AMY2B: variants seen among roughly 807,000 people sequenced by gnomAD.
AMY2B encodes the protein alpha-amylase 2B.
In AMY2B, 63 loss-of-function variants were observed where a neutral mutation model predicts 59.3. The ratio of observed to expected loss-of-function variants is 1.06; its 90% CI spans 0.87 to 1.31. The LOEUF is 1.31. AMY2B is among the 50% of genes most tolerant of loss of function. The pLI, the probability that AMY2B is intolerant of heterozygous loss-of-function variation, is 0.00. For missense variants in AMY2B, 635 were observed against 626.7 expected, an observed-to-expected ratio of 1.01 and a Z score of -0.14; for synonymous variants, 180 against 198.1, an observed-to-expected ratio of 0.91 and a Z score of 0.77.
chr1:103,557,286 G>C (rs1651587756), intron 1 of AMY2B, among the ~76,000 whole-genome samples: 1 of 152,082 alleles, frequency 6.6e-6, no homozygotes, highest in Non-Finnish European at 1.5e-5. Flanking sequence ...TATCAAGTAA[G>C]ACTGGAACAT....
intron 2 of AMY2B, among the ~76,000 whole-genome samples, chr1:103,565,773 G>A (rs954720667): frequency 2.6e-5 from 4 of 152,156 alleles, no homozygotes; most frequent in African/African-American, 9.6e-5. Context: ...ATACTGGGAA[G>A]TGTCATTCAT....
chr1:103,559,490 A>G (rs1337973752), intron 1 of AMY2B, among the ~76,000 whole-genome samples: 1 of 152,178 alleles, frequency 6.6e-6, no homozygotes, highest in Admixed American at 6.5e-5. Flanking sequence ...ATACAGGCAT[A>G]CCTTTGGCAC....
chr1:103,569,396 TTGTGTGTG>T (rs58457409), upstream of AMY2B: 9 of 150,996 alleles, frequency 6.0e-5, no homozygotes, highest in Non-Finnish European at 8.5e-5. Flanking sequence ...TTATGTGGGT[TTGTGTGTG>T]TGTGTGTGTG....
At chr1:103,575,116 A>G (rs1652298759) in intron 5 of AMY2B, 107 bp from the exon 6 acceptor site, 2 of 1,506,646 alleles carry the variant, frequency 1.3e-6, no homozygotes, top group South Asian at 2.5e-5. Flanking sequence ...TTAGAGAAAG[A>G]ATTTAATCTT....
chr1:103,556,187 C>A (rs891840399), intron 1 of AMY2B, among the ~76,000 whole-genome samples: 1 of 146,338 alleles, frequency 6.8e-6, no homozygotes, highest in Non-Finnish European at 1.5e-5. Flanking sequence ...TACTCTTAGG[C>A]AATCTGTGGT....
intron 1 of AMY2B, chr1:103,555,208 AAATAT>A (rs1651510743): frequency 6.6e-6 from 1 of 152,036 alleles, no homozygotes. Flanking sequence ...GATTTTCCTC[AAATAT>A]AATAAATTGT....
At chr1:103,573,301 T>A in intron 3 of AMY2B, 41 bp downstream of exon 3, 1 of 1,612,426 alleles carries the variant, frequency 6.2e-7, no homozygotes, top group Non-Finnish European at 8.5e-7. Flanking sequence ...AGGGGTGATA[T>A]ATGCCTTTTC....
In AMY2B at chr1:103,577,522, T is replaced by C. The variant is rs755238701; in HGVS notation, c.1134T>C (p.Asn378=). 2.6e-5 allele frequency: 42 copies of C among 1,611,816 alleles called. No individual in the cohort carries two copies. The highest frequency in any genetic ancestry group is 1.7e-4 in the Admixed American group (10 of 60,002). The change falls in exon 8 of 10, where the codon AAT becomes AAC. Residue 378 remains asparagine (N), a synonymous_variant. Transcript: ENST00000684275. ...ATGATTGGGTTGGGCCACCAAATAA[T>C]AATGGAGTAATTAAAGAAGTTACTA... ...DVNDWVGPPN[N]NGVIKEVTIN... is the part of the protein sequence containing the mutation.
chr1:103,579,216 G>A (rs1285490977), intron 9 of AMY2B, 95 bp from the exon 10 acceptor site: 5 of 1,604,518 alleles, frequency 3.1e-6, no homozygotes, highest in Non-Finnish European at 1.7e-6. Flanking sequence ...TCACTGCTTA[G>A]GGTTCTACAA....
intron 9 of AMY2B, among the ~76,000 whole-genome samples, chr1:103,578,459 A>G (rs1477189452): frequency 6.6e-6 from 1 of 152,214 alleles, no homozygotes; most frequent in African/African-American, 2.4e-5. Flanking sequence ...TTACTGAAGT[A>G]TAAATGATTC....
chr1:103,567,385 C>A (rs1651944563), upstream of AMY2B, among the ~76,000 whole-genome samples: 1 of 152,136 alleles, frequency 6.6e-6, no homozygotes, highest in African/African-American at 2.4e-5. Context: ...TAGTTAAGAT[C>A]CACAGCTCTC....
At position 103,555,742 on chromosome 1, in the gene AMY2B, C is replaced by T. The variant is rs867894638; in HGVS notation, c.-207+633C>T. Among the ~76,000 whole-genome samples, 18 of 152,078 alleles carry T rather than the reference C, an allele frequency of 1.2e-4. 1 individual carries two copies. In the South Asian group the frequency reaches 1.7e-3, roughly 14 times the overall value. On this transcript the variant is annotated intron_variant, in intron 1 of 11. Transcript: ENST00000361355. ...AAGAAGAATTTAATATAGTGAGTAT[C>T]GAAGACAACTCTTAAAGAGTCTTGC...
At chr1:103,566,838 G>T (rs1651926689), upstream of AMY2B, among the ~76,000 whole-genome samples, 1 of 152,114 alleles carries the variant, frequency 6.6e-6, no homozygotes, top group African/African-American at 2.4e-5. Context: ...TTCTAATATA[G>T]AGTTCATTGA....
intron 1 of AMY2B, among the ~76,000 whole-genome samples, chr1:103,563,510 TTTAA>T (rs1398809920): frequency 1.3e-5 from 2 of 152,106 alleles, no homozygotes; most frequent in African/African-American, 2.4e-5. Flanking sequence ...ATAAATATAC[TTTAA>T]TTGTTTTAAT....
upstream of AMY2B, chr1:103,570,394 T>C: frequency 4.6e-6 from 4 of 871,240 alleles, no homozygotes; most frequent in Admixed American, 1.8e-5. Context: ...TTCAACTCCA[T>C]CATGAAGTGT....
At chr1:103,557,876 G>T (rs1345243149) in intron 1 of AMY2B, among the ~76,000 whole-genome samples, 5 of 152,072 alleles carry the variant, frequency 3.3e-5, no homozygotes, top group Non-Finnish European at 7.4e-5. Context: ...GCATAGAAAT[G>T]ATCATACAAA....
intron 1 of AMY2B, among the ~76,000 whole-genome samples, chr1:103,559,416 T>A (rs759168400): frequency 1.3e-5 from 2 of 152,146 alleles, no homozygotes; most frequent in African/African-American, 2.4e-5. Flanking sequence ...ACCTAAGGGC[T>A]TTCTCTTCAG....
chr1:103,565,364 A>C lies in AMY2B; in HGVS notation c.-206-71A>C, dbSNP rs1651874433. The C allele has an allele frequency of 2.0e-5, 3 of 152,188 alleles. No individual in the cohort carries two copies. The South Asian group carries it at 6.2e-4, about 32-fold the overall frequency. 9.4% of individuals were successfully genotyped at this position (152,188 alleles called of 1,614,324 possible). On this transcript the variant is annotated intron_variant, in intron 1 of 11. Transcript: ENST00000361355. ...TGCAGATAGTTACATTGTTTAGGGA[A>C]TAATGACAGAAAAGTCTATATGTTC...
chr1:103,574,150 T>A lies in AMY2B; in HGVS notation c.745-110T>A, dbSNP rs994619334. 1.8e-5 allele frequency: 27 copies of A among 1,509,446 alleles called. No homozygotes were observed. In the Admixed American group the frequency reaches 4.6e-4, roughly 26 times the overall value. The allele number at this position is 1,509,446 out of a possible 1,614,324, so 93.5% of individuals were successfully genotyped here. On this transcript the variant is annotated intron_variant, in intron 4 of 9. Coordinates refer to ENST00000684275, the MANE Select transcript of AMY2B (RefSeq NM_001387437.1). ...AAGAAATAATAAATAGCTTAATTTA[T>A]TAATAAATAACAAATAGCTTAAAGC...
Sources: allele counts gnomAD v4.1 joint callset (sites outside exome capture counted in the v4.1 genomes callset), GRCh38; gene constraint gnomAD v4.1.1; transcripts MANE v1.5; gene names NCBI Gene and HGNC (gene_info 2026-07-23, HGNC 2026-07-21).